The following ARID1B variants were observed in gnomAD, a reference collection of about 807,000 sequenced individuals.
ARID1B encodes the protein AT-rich interaction domain 1B.
A neutral mutation model predicts 212.3 loss-of-function variants in ARID1B; 30 were observed. The observed-to-expected ratio is 0.14, with a 90% CI of 0.11 to 0.19. ARID1B has a LOEUF of 0.19. Among genes scored for constraint, ARID1B ranks in the 10% least tolerant of loss-of-function variants. The probability of loss-of-function intolerance (pLI) is 1.00; values close to 1 mark genes in which losing one functional copy is unlikely to be tolerated. For synonymous variants in ARID1B, 1,402 were observed against 1,301.7 expected (o/e 1.08, Z -1.66); for missense variants, 2,891 against 3,204.0 (o/e 0.90, Z 2.36).
At chr6:157,058,800 G>T (rs1463089957) in intron 4 of ARID1B, among the ~76,000 whole-genome samples, 1 of 152,140 alleles carries the variant, frequency 6.6e-6, no homozygotes, top group Admixed American at 6.5e-5. Flanking sequence ...GATGGGGCTG[G>T]GTAGCACCTG....
chr6:157,053,517 T>G (rs977321715), intron 4 of ARID1B, among the ~76,000 whole-genome samples: 2 of 152,238 alleles, frequency 1.3e-5, no homozygotes, highest in Non-Finnish European at 2.9e-5. Context: ...TTCTACATCT[T>G]TTTAATACAA....
chr6:157,161,421 T>TTGTGTGTGTGTGTGTGTGTG (rs527696446), intron 8 of ARID1B, among the ~76,000 whole-genome samples: 2 of 135,764 alleles, frequency 1.5e-5, no homozygotes, highest in African/African-American at 6.1e-5. Context: ...TCTGTTTTGA[T>TTGTGTGTGTGTGTGTGTGTG]TGTGTGTGTG....
At position 157,181,260 on chromosome 6, in the gene ARID1B, C is replaced by T. The variant is rs556607377; in HGVS notation, c.3714+82C>T. On this transcript the variant is annotated intron_variant, in intron 12 of 19. Coordinates refer to ENST00000636930, the MANE Select transcript of ARID1B (RefSeq NM_001374828.1). ...GTGGCTTTCTTTGAATGTGTGGACTCATTTTTTTTCTCACAAAGGAAAAGC... is the reference window on the plus strand; with the variant it reads ...GTGGCTTTCTTTGAATGTGTGGACTTATTTTTTTTCTCACAAAGGAAAAGC... 80 of 1,489,662 alleles carry T rather than the reference C, an allele frequency of 5.4e-5. 1 individual carries two copies. In the East Asian group the frequency reaches 1.8e-3, roughly 34 times the overall value. 92.3% of individuals were successfully genotyped at this position (1,489,662 alleles called of 1,614,324 possible).
intron 2 of ARID1B, among the ~76,000 whole-genome samples, chr6:156,858,259 G>A (rs542299670): frequency 6.6e-6 from 1 of 151,972 alleles, no homozygotes; most frequent in African/African-American, 2.4e-5. Context: ...GATAAAGAGG[G>A]GATGGTTAAT....
intron 4 of ARID1B, among the ~76,000 whole-genome samples, chr6:156,978,957 A>G (rs1282301555): frequency 6.6e-6 from 1 of 152,174 alleles, no homozygotes; most frequent in Non-Finnish European, 1.5e-5. Context: ...ATACATTTAC[A>G]TTTTTTCAGT....
At chr6:156,963,150 G>T (rs1430851658) in intron 4 of ARID1B, among the ~76,000 whole-genome samples, 3 of 152,110 alleles carry the variant, frequency 2.0e-5, no homozygotes, top group Non-Finnish European at 4.4e-5. Flanking sequence ...GTTTTAGAGG[G>T]CTTAAAAGTC....
At chr6:156,916,483 A>G (rs1790366416) in intron 3 of ARID1B, among the ~76,000 whole-genome samples, 1 of 152,214 alleles carries the variant, frequency 6.6e-6, no homozygotes. Flanking sequence ...TATTTGAAGA[A>G]GTTGCTTCCA....
chr6:157,143,603 C>T (rs543429669), intron 7 of ARID1B, among the ~76,000 whole-genome samples: 17 of 152,198 alleles, frequency 1.1e-4, no homozygotes, highest in Non-Finnish European at 2.5e-4. Flanking sequence ...TACTCATTAT[C>T]GTAGTCACTT....
At chr6:157,182,604 G>T (rs760820759) in intron 12 of ARID1B, among the ~76,000 whole-genome samples, 1 of 152,152 alleles carries the variant, frequency 6.6e-6, no homozygotes, top group Non-Finnish European at 1.5e-5. Flanking sequence ...TCAGTGCTGC[G>T]TCTCGGGGGA....
intron 4 of ARID1B, among the ~76,000 whole-genome samples, chr6:157,037,875 G>A (rs888374669): frequency 6.6e-6 from 1 of 152,164 alleles, no homozygotes; most frequent in Non-Finnish European, 1.5e-5. Flanking sequence ...GCCTGCTGGG[G>A]TATGCAGAGT....
At chr6:156,920,974 C>T (rs1201239582) in intron 3 of ARID1B, among the ~76,000 whole-genome samples, 5 of 152,068 alleles carry the variant, frequency 3.3e-5, no homozygotes, top group African/African-American at 1.2e-4. Flanking sequence ...CCTGCCTCAG[C>T]CTCCTGAGTA....
chr6:157,197,811 C>T (rs528609677), intron 16 of ARID1B, among the ~76,000 whole-genome samples: 7 of 152,266 alleles, frequency 4.6e-5, no homozygotes, highest in African/African-American at 1.7e-4. Flanking sequence ...TAAGTTTTCT[C>T]TTCTGAAAAA....
At chr6:157,136,042 TAAC>T (rs1450405993) in intron 7 of ARID1B, among the ~76,000 whole-genome samples, 1 of 152,230 alleles carries the variant, frequency 6.6e-6, no homozygotes, top group Non-Finnish European at 1.5e-5. Context: ...TTGTTAGTAA[TAAC>T]AACCAGCATT....
chr6:156,909,075 G>A (rs1789644063), intron 3 of ARID1B, among the ~76,000 whole-genome samples: 1 of 147,556 alleles, frequency 6.8e-6, no homozygotes, highest in South Asian at 2.2e-4. Flanking sequence ...CATTCTGTAT[G>A]TGTGTATAAA....
chr6:156,804,867 C>CAAAAAAAAAAAAAAAAAAAAAAAAAAAA (rs61315445), intron 1 of ARID1B, among the ~76,000 whole-genome samples: 1 of 85,084 alleles, frequency 1.2e-5, no homozygotes, highest in Non-Finnish European at 2.2e-5. Flanking sequence ...ATCTGATTGG[C>CAAAAAAAAAAAAAAAAAAAAAAAAAAAA]AAAAAAAAAA....
At chr6:157,096,972 G>A (rs904151964) in intron 5 of ARID1B, among the ~76,000 whole-genome samples, 20 of 152,334 alleles carry the variant, frequency 1.3e-4, no homozygotes, top group African/African-American at 3.6e-4. Flanking sequence ...GTGAAGTGTT[G>A]ATTTATCCCC....
chr6:156,859,697 G>A (rs866473906), intron 2 of ARID1B, among the ~76,000 whole-genome samples: 50 of 152,310 alleles, frequency 3.3e-4, no homozygotes, highest in Middle Eastern at 3.4e-3. Flanking sequence ...TAGATTAAAA[G>A]CCGTAGGTTG....
intron 4 of ARID1B, among the ~76,000 whole-genome samples, chr6:157,002,373 T>TA (rs1778961568): frequency 6.6e-6 from 1 of 152,266 alleles, no homozygotes; most frequent in Non-Finnish European, 1.5e-5. Context: ...GCTTCTCCTT[T>TA]AACCTGTGGA....
chr6:156,788,772 G>A (rs569372945), intron 1 of ARID1B, among the ~76,000 whole-genome samples: 13 of 152,224 alleles, frequency 8.5e-5, no homozygotes, highest in Non-Finnish European at 1.8e-4. Flanking sequence ...AAGAGTACCG[G>A]GGTCCTCCCT....
Sources: allele counts gnomAD v4.1 joint callset (sites outside exome capture counted in the v4.1 genomes callset), GRCh38; gene constraint gnomAD v4.1.1; transcripts MANE v1.5; gene names NCBI Gene and HGNC (gene_info 2026-07-23, HGNC 2026-07-21).